ATP2B4: variants seen among roughly 807,000 people sequenced by gnomAD.
The protein encoded by ATP2B4 is plasma membrane calcium-transporting ATPase 4.
A neutral mutation model predicts 110.3 loss-of-function variants in ATP2B4; 39 were observed. That is an observed-to-expected ratio of 0.35 (90% CI 0.27 to 0.46). The LOEUF (loss-of-function observed/expected upper bound fraction) is 0.46. Among genes scored for constraint, ATP2B4 ranks in the 20% least tolerant of loss-of-function variants. The probability of loss-of-function intolerance (pLI) is 1.00; values close to 1 mark genes in which losing one functional copy is unlikely to be tolerated. For synonymous variants in ATP2B4, 538 were observed against 571.7 expected (o/e 0.94, Z 0.84); for missense variants, 1,135 against 1,530.9 (o/e 0.74, Z 4.32).
chr1:203,648,977 T>A (rs1663895641), intron 1 of ATP2B4, among the ~76,000 whole-genome samples: 1 of 152,164 alleles, frequency 6.6e-6, no homozygotes, highest in Non-Finnish European at 1.5e-5. Flanking sequence ...AAATATCAGA[T>A]AATATCCTCT....
chr1:203,734,289 G>C (rs1012859007), intron 20 of ATP2B4, among the ~76,000 whole-genome samples: 2 of 150,972 alleles, frequency 1.3e-5, no homozygotes, highest in African/African-American at 4.9e-5. Context: ...GGGCGATAGA[G>C]CAAGACTCTG....
intron 1 of ATP2B4, among the ~76,000 whole-genome samples, chr1:203,656,044 A>G (rs568878035): frequency 9.6e-5 from 14 of 146,554 alleles, no homozygotes; most frequent in Admixed American, 4.9e-4. Flanking sequence ...AGCTGGGATT[A>G]CATGTGCCAC....
intron 1 of ATP2B4, among the ~76,000 whole-genome samples, chr1:203,669,005 C>T (rs1181057180): frequency 6.6e-6 from 1 of 152,170 alleles, no homozygotes; most frequent in Non-Finnish European, 1.5e-5. Flanking sequence ...AGGTATTCTT[C>T]TTATGATCTT....
At chr1:203,727,694 G>A in intron 20 of ATP2B4, 123 bp downstream of exon 20, 5 of 1,216,852 alleles carry the variant, frequency 4.1e-6, no homozygotes, top group Non-Finnish European at 3.4e-6. Flanking sequence ...CTACTGATGG[G>A]CAGCCCTAGA....
At position 203,711,060 on chromosome 1, in the gene ATP2B4, A is replaced by G; in HGVS notation, c.1983A>G (p.Glu661=). The G allele has an allele frequency of 6.2e-7, 1 of 1,614,092 alleles. No homozygotes were observed. The highest frequency in any genetic ancestry group is 8.5e-7 in the Non-Finnish European group (1 of 1,180,008). The change falls in exon 12 of 21, where the codon GAA becomes GAG. Residue 661 remains glutamate, a synonymous_variant. Coordinates refer to ENST00000357681, the MANE Select transcript of ATP2B4 (RefSeq NM_001684.5). ...ACAATGAGAATGAGATCCTCACCGA[A>G]CTGACCTGTATCGCGGTGGTGGGCA... is the stretch of plus-strand genomic sequence containing the variant. The part of the protein sequence containing the change: ...SWDNENEILT[E]LTCIAVVGIE...
intron 1 of ATP2B4, among the ~76,000 whole-genome samples, chr1:203,651,632 C>T (rs777128365): frequency 3.9e-5 from 6 of 152,166 alleles, no homozygotes; most frequent in Non-Finnish European, 7.3e-5. Context: ...CACAGTAGTA[C>T]GCACCTGCAG....
At chr1:203,650,133 G>T (rs1308327819) in intron 1 of ATP2B4, among the ~76,000 whole-genome samples, 1 of 152,262 alleles carries the variant, frequency 6.6e-6, no homozygotes, top group Non-Finnish European at 1.5e-5. Flanking sequence ...CATAATGCAT[G>T]CATTGATCAA....
intron 17 of ATP2B4, among the ~76,000 whole-genome samples, chr1:203,722,051 T>G (rs1666353346): frequency 6.6e-6 from 1 of 152,136 alleles, no homozygotes; most frequent in Non-Finnish European, 1.5e-5. Flanking sequence ...ATTGCCTGAC[T>G]CCAGCGCACA....
intron 1 of ATP2B4, among the ~76,000 whole-genome samples, chr1:203,645,887 C>T (rs1243552094): frequency 1.3e-5 from 2 of 151,998 alleles, no homozygotes; most frequent in East Asian, 3.9e-4. Flanking sequence ...CCGTGCCCGG[C>T]CGTATATTGC....
At chr1:203,646,441 C>G (rs979877661) in intron 1 of ATP2B4, among the ~76,000 whole-genome samples, 1 of 151,840 alleles carries the variant, frequency 6.6e-6, no homozygotes, top group Admixed American at 6.6e-5. Flanking sequence ...AATGAGAACC[C>G]ATCTCTAAAA....
In ATP2B4 at chr1:203,739,994, AC is replaced by A; in HGVS notation, c.*142del. 1 of 938,560 alleles carries A rather than the reference AC, an allele frequency of 1.1e-6. No individual in the cohort carries two copies. The highest frequency in any genetic ancestry group is 1.6e-6 in the Non-Finnish European group (1 of 644,210). The allele number at this position is 938,560 out of a possible 1,614,324, so 58.1% of individuals were successfully genotyped here. Reference sequence around the variant, plus strand: ...TGTGTGTGAAGTGAACCTCTACCTGACCATGAAGAGGCAAGAGCACAGACTT... The same window carrying A: ...TGTGTGTGAAGTGAACCTCTACCTGACATGAAGAGGCAAGAGCACAGACTT... On this transcript the variant is annotated 3_prime_UTR_variant, in exon 21 of 21. Coordinates refer to ENST00000357681, the MANE Select transcript of ATP2B4 (RefSeq NM_001684.5).
chr1:203,693,656 G>A (rs776649299), intron 2 of ATP2B4, among the ~76,000 whole-genome samples: 8 of 152,100 alleles, frequency 5.3e-5, no homozygotes, highest in Non-Finnish European at 8.8e-5. Flanking sequence ...ACCTGATGGC[G>A]ATGTTACCAT....
At chr1:203,695,068 T>G (rs1361273344) in intron 2 of ATP2B4, among the ~76,000 whole-genome samples, 1 of 152,128 alleles carries the variant, frequency 6.6e-6, no homozygotes, top group Non-Finnish European at 1.5e-5. Flanking sequence ...GCTATTGGGG[T>G]GCACCTTATG....
intron 1 of ATP2B4, among the ~76,000 whole-genome samples, chr1:203,631,833 C>A (rs567097229): frequency 6.6e-6 from 1 of 151,908 alleles, no homozygotes; most frequent in Non-Finnish European, 1.5e-5. Context: ...CTCGCTCTGT[C>A]GCCCAGGCTG....
At chr1:203,690,835 A>G (rs531400159) in intron 2 of ATP2B4, among the ~76,000 whole-genome samples, 1 of 152,280 alleles carries the variant, frequency 6.6e-6, no homozygotes, top group Admixed American at 6.5e-5. Context: ...GATTAGCACT[A>G]ACTAATTCAC....
At chr1:203,717,357 T>G (rs1466594044) in intron 15 of ATP2B4, among the ~76,000 whole-genome samples, 1 of 152,170 alleles carries the variant, frequency 6.6e-6, no homozygotes, top group East Asian at 1.9e-4. Flanking sequence ...TGAGTGGATT[T>G]TTTTTTAAGT....
At chr1:203,674,768 T>A (rs1234193640) in intron 1 of ATP2B4, among the ~76,000 whole-genome samples, 1 of 148,456 alleles carries the variant, frequency 6.7e-6, no homozygotes, top group Non-Finnish European at 1.5e-5. Context: ...GCAACTCTTC[T>A]GCCTCAGCCT....
At position 203,711,149 on chromosome 1, in the gene ATP2B4, G is replaced by A. The variant is rs377240315; in HGVS notation, c.2031+41G>A. 2.5e-5 allele frequency: 40 copies of A among 1,583,100 alleles called. No individual in the cohort carries two copies. In the South Asian group the frequency reaches 2.5e-4, roughly 10 times the overall value. On this transcript the variant is annotated intron_variant, in intron 12 of 20. Transcript: ENST00000357681. ...GCCACCCAGGAGTCTCAGGAAGTGG[G>A]GTACTAGTTCCCTTTCTAGTTGTGA...
chr1:203,641,366 C>T (rs1663623555), intron 1 of ATP2B4, among the ~76,000 whole-genome samples: 1 of 152,180 alleles, frequency 6.6e-6, no homozygotes. Flanking sequence ...GGAGACTAAT[C>T]AGGCCTATCT....
Sources: gnomAD v4.1 joint callset for allele counts (sites outside exome capture counted in the v4.1 genomes callset) on GRCh38, gnomAD v4.1.1 for gene constraint, MANE v1.5 for transcripts, NCBI Gene and HGNC (gene_info 2026-07-23, HGNC 2026-07-21) for gene names.